The following CNNM1 variants were observed in gnomAD, a reference collection of about 807,000 sequenced individuals.
CNNM1 encodes cyclin and CBS domain divalent metal cation transport mediator 1.
A neutral mutation model predicts 78.8 loss-of-function variants in CNNM1; 44 were observed. The ratio of observed to expected loss-of-function variants is 0.56; its 90% CI spans 0.44 to 0.72. CNNM1 has a LOEUF of 0.72. Ranked by LOEUF, CNNM1 falls within the 30% of genes least tolerant of loss-of-function variation. CNNM1 has a pLI of 0.00. For missense variants in CNNM1, 1,101 were observed against 1,292.2 expected (o/e 0.85, Z 2.27); for synonymous variants, 584 against 581.5 (o/e 1.00, Z -0.06).
chr10:99,353,778 A>G (rs1432304887), intron 1 of CNNM1, among the ~76,000 whole-genome samples: 3 of 152,228 alleles, frequency 2.0e-5, no homozygotes, highest in Admixed American at 6.5e-5. Flanking sequence ...TTTGGAGGGA[A>G]GCTCAGAGGC....
At chr10:99,378,198 A>G (rs898691806) in intron 7 of CNNM1, among the ~76,000 whole-genome samples, 5 of 151,946 alleles carry the variant, frequency 3.3e-5, no homozygotes, top group Admixed American at 6.6e-5. Context: ...TCTTCACTTC[A>G]TGATCCACCT....
intron 1 of CNNM1, among the ~76,000 whole-genome samples, chr10:99,344,539 T>C (rs985444433): frequency 1.3e-5 from 2 of 152,100 alleles, no homozygotes; most frequent in Non-Finnish European, 2.9e-5. Context: ...TAAAACTGTA[T>C]ATAATAAGAA....
intron 7 of CNNM1, among the ~76,000 whole-genome samples, chr10:99,384,106 A>T (rs2032237320): frequency 6.6e-6 from 1 of 152,226 alleles, no homozygotes; most frequent in African/African-American, 2.4e-5. Flanking sequence ...TGACTACTAG[A>T]AAACTTTGAA....
intron 7 of CNNM1, among the ~76,000 whole-genome samples, chr10:99,385,242 TTTCAAAGCCTACTGAAACAGCCCC>T (rs1165837669): frequency 2.0e-5 from 3 of 152,282 alleles, no homozygotes; most frequent in Middle Eastern, 3.4e-3. Context: ...AGGAAATCCA[TTTCAAAGCCTACTGAAACAGCCCC>T]TTCCTTCTCT....
intron 2 of CNNM1, among the ~76,000 whole-genome samples, chr10:99,359,912 A>G (rs1305092567): frequency 7.8e-6 from 1 of 128,566 alleles, no homozygotes; most frequent in South Asian, 2.7e-4. Flanking sequence ...CAAAGAAAAC[A>G]TTTCCTCTAC....
chr10:99,336,818 T>C (rs957344925), intron 1 of CNNM1, among the ~76,000 whole-genome samples: 6 of 152,020 alleles, frequency 3.9e-5, no homozygotes, highest in Admixed American at 2.6e-4. Context: ...AATACAAAAA[T>C]TAGCCGGGCA....
intron 10 of CNNM1, among the ~76,000 whole-genome samples, chr10:99,390,839 G>A (rs992627416): frequency 6.6e-6 from 1 of 152,216 alleles, no homozygotes; most frequent in Admixed American, 6.5e-5. Flanking sequence ...AATAGAAAGA[G>A]AGCAATCTCC....
At chr10:99,388,875 A>G (rs868388089) in intron 9 of CNNM1, among the ~76,000 whole-genome samples, 35 of 152,276 alleles carry the variant, frequency 2.3e-4, no homozygotes, top group African/African-American at 8.2e-4. Context: ...GTCTAAGACC[A>G]TATCACCTCC....
At chr10:99,364,242 A>G (rs912837976) in intron 4 of CNNM1, among the ~76,000 whole-genome samples, 175 bp from the exon 5 acceptor site, 5 of 152,172 alleles carry the variant, frequency 3.3e-5, no homozygotes, top group African/African-American at 9.7e-5. Context: ...AAGAGCTATT[A>G]AAGCTGGTGG....
At chr10:99,331,727 G>T (rs1008886668) in intron 1 of CNNM1, among the ~76,000 whole-genome samples, 2 of 152,122 alleles carry the variant, frequency 1.3e-5, no homozygotes, top group Non-Finnish European at 2.9e-5. Context: ...CTTTGCCCGG[G>T]GGGGAGGGAA....
chr10:99,360,692 C>T, intron 2 of CNNM1, 143 bp from the exon 3 acceptor site: 1 of 1,067,770 alleles, frequency 9.4e-7, no homozygotes, highest in Non-Finnish European at 1.3e-6. Flanking sequence ...CACCAACATC[C>T]TTCTACTTCC....
chr10:99,384,093 AT>A (rs1938969735), intron 7 of CNNM1, among the ~76,000 whole-genome samples: 1 of 152,354 alleles, frequency 6.6e-6, no homozygotes, highest in South Asian at 2.1e-4. Context: ...ACTTTTTAAA[AT>A]GTGACTACTA....
intron 1 of CNNM1, among the ~76,000 whole-genome samples, chr10:99,353,933 G>GT (rs1198615063): frequency 1.3e-5 from 2 of 151,378 alleles, no homozygotes; most frequent in South Asian, 2.1e-4. Flanking sequence ...AGCAATGGTG[G>GT]TTTTTTAATG....
At chr10:99,371,143 C>G (rs2031789270) in intron 6 of CNNM1, among the ~76,000 whole-genome samples, 1 of 152,184 alleles carries the variant, frequency 6.6e-6, no homozygotes, top group Non-Finnish European at 1.5e-5. Flanking sequence ...GAAAGCAGTG[C>G]TAATTACGAA....
chr10:99,387,464 C>T (rs538696636), intron 7 of CNNM1, among the ~76,000 whole-genome samples: 10 of 152,332 alleles, frequency 6.6e-5, no homozygotes, highest in African/African-American at 2.2e-4. Context: ...AAGTCACCCC[C>T]GACTGACCCT....
At chr10:99,334,307 C>A (rs1367028449) in intron 1 of CNNM1, among the ~76,000 whole-genome samples, 1 of 152,184 alleles carries the variant, frequency 6.6e-6, no homozygotes, top group Non-Finnish European at 1.5e-5. Context: ...TACATTTGCA[C>A]CATAGGTTAG....
intron 1 of CNNM1, among the ~76,000 whole-genome samples, chr10:99,350,808 C>G (rs1029711979): frequency 1.3e-5 from 2 of 152,146 alleles, no homozygotes; most frequent in East Asian, 1.9e-4. Context: ...CCCCACCCCC[C>G]TAATAGGCCA....
intron 7 of CNNM1, among the ~76,000 whole-genome samples, chr10:99,383,677 G>A (rs562719194): frequency 6.6e-6 from 1 of 152,358 alleles, no homozygotes; most frequent in Admixed American, 6.5e-5. Context: ...AGGTATGGAA[G>A]GCAAGTAGAC....
At chr10:99,351,090 T>C (rs1289809342) in intron 1 of CNNM1, among the ~76,000 whole-genome samples, 1 of 152,210 alleles carries the variant, frequency 6.6e-6, no homozygotes, top group Non-Finnish European at 1.5e-5. Flanking sequence ...GTAGTTTGGG[T>C]ATGTCGATAC....
Sources: allele counts gnomAD v4.1 joint callset (sites outside exome capture counted in the v4.1 genomes callset), GRCh38; gene constraint gnomAD v4.1.1; transcripts MANE v1.5; gene names NCBI Gene and HGNC (gene_info 2026-07-23, HGNC 2026-07-21).